CDCP2: variants seen among roughly 807,000 people sequenced by gnomAD.
CDCP2 encodes the protein CUB domain containing protein 2.
CDCP2 carries 31 observed loss-of-function variants against 31.0 expected under a neutral mutation model. The observed-to-expected ratio is 1.00, with a 90% CI of 0.75 to 1.35. The LOEUF is 1.35. Ranked by LOEUF, CDCP2 falls within the 40% of genes most tolerant of loss-of-function variation. The probability of loss-of-function intolerance (pLI) is 0.00; values close to 1 mark genes in which losing one functional copy is unlikely to be tolerated. For missense variants in CDCP2, 443 were observed against 482.6 expected (o/e 0.92, Z 0.77); for synonymous variants, 206 against 207.9 (o/e 0.99, Z 0.08).
At chr1:54,140,049 G>C in exon 4 of CDCP2, 1 of 1,613,744 alleles carries the variant, frequency 6.2e-7, no homozygotes, top group South Asian at 1.1e-5. Context: ...GTAGGAGCTG[G>C]GGTACTGTGG....
chr1:54,140,821 A>AC (rs1204704543), intron 3 of CDCP2: 3 of 330,514 alleles, frequency 9.1e-6, no homozygotes, highest in Non-Finnish European at 1.7e-5. Context: ...TGACATGCAA[A>AC]CCACACACAG....
At chr1:54,141,339 C>T in exon 3 of CDCP2, 2 of 1,614,128 alleles carry the variant, frequency 1.2e-6, no homozygotes, top group Non-Finnish European at 1.7e-6. Flanking sequence ...CGGCCCGGAT[C>T]ACCCAGTGGC....
At chr1:54,133,105 G>C (rs965727823) in exon 6 of CDCP2, 11 of 399,012 alleles carry the variant, frequency 2.8e-5, no homozygotes, top group African/African-American at 2.3e-4. Flanking sequence ...TCATCCATGG[G>C]TGGTGCTTCC....
upstream of CDCP2, chr1:54,152,937 C>T (rs747913879): frequency 4.3e-6 from 7 of 1,613,180 alleles, no homozygotes; most frequent in East Asian, 6.7e-5. Flanking sequence ...TCACCAGGGG[C>T]CCCCACAGGT....
chr1:54,144,783 G>A, exon 2 of CDCP2: 1 of 1,613,654 alleles, frequency 6.2e-7, no homozygotes, highest in Non-Finnish European at 8.5e-7. Flanking sequence ...GTTTCCAGAA[G>A]GTGCTGAGAG....
In CDCP2 at chr1:54,136,620, C is replaced by G. The variant is rs1659261730; in HGVS notation, c.1296+10G>C. The G allele has an allele frequency of 2.5e-6, 1 of 399,076 alleles. No homozygotes were observed. The highest frequency in any genetic ancestry group is 1.3e-4 in the South Asian group (1 of 7,856). 24.7% of individuals were successfully genotyped at this position (399,076 alleles called of 1,614,324 possible). A position where few individuals can be genotyped will look rare whatever the true frequency, so the allele number is the denominator to read the frequency against. ...CCTCCCTTGTGACTGCCCCTTCCCC[C>G]AGCCCCTACCTGAGACTCAGTGCCG... On this transcript the variant is annotated intron_variant, in intron 5 of 5. Coordinates refer to ENST00000530059, the Ensembl canonical transcript of CDCP2.
intron 3 of CDCP2, 93 bp from the exon 4 acceptor site, chr1:54,140,199 T>C (rs1436438403): frequency 8.2e-5 from 100 of 1,224,332 alleles, no homozygotes; most frequent in Non-Finnish European, 1.1e-4. Context: ...GGTGCCACAG[T>C]GGTCCAAAAA....
chr1:54,147,289 CTCATTTA>C (rs1659491558), intron 1 of CDCP2, among the ~76,000 whole-genome samples: 1 of 151,846 alleles, frequency 6.6e-6, no homozygotes. Flanking sequence ...TAGGCACTAA[CTCATTTA>C]TCAATTTTTT....
chr1:54,144,489 C>G lies in CDCP2; in HGVS notation c.404G>C (p.Gly135Ala). Reference sequence around the variant, plus strand: ...ACCTTTCTGGTAGCCCGCAGAAAAGCCATGGCTGGCCACATGCTTGTCCGA... The same window carrying G: ...ACCTTTCTGGTAGCCCGCAGAAAAGGCATGGCTGGCCACATGCTTGTCCGA... Residue 135 changes from glycine (G) to alanine (A), a missense_variant, in exon 2 of 6, where the codon GGC becomes GCC. Transcript: ENST00000530059. 1 of 1,585,194 alleles carries G rather than the reference C, an allele frequency of 6.3e-7. No individual in the cohort carries two copies. The highest frequency in any genetic ancestry group is 1.7e-5 in the Admixed American group (1 of 58,594).
chr1:54,149,802 A>T (rs1659545610), intron 1 of CDCP2, among the ~76,000 whole-genome samples: 1 of 152,218 alleles, frequency 6.6e-6, no homozygotes. Context: ...GCTGGTGCTT[A>T]GTGTATATTT....
chr1:54,152,404 C>T (rs947619576), intron 1 of CDCP2, among the ~76,000 whole-genome samples: 9 of 150,300 alleles, frequency 6.0e-5, no homozygotes, highest in Non-Finnish European at 1.2e-4. Context: ...GTGGAGGTTG[C>T]AGTGAGCTGA....
chr1:54,150,229 G>C (rs554260071), intron 1 of CDCP2, among the ~76,000 whole-genome samples: 1 of 152,328 alleles, frequency 6.6e-6, no homozygotes, highest in East Asian at 1.9e-4. Context: ...TGACTGGGAG[G>C]GGGAGCCCTG....
intron 3 of CDCP2, 109 bp downstream of exon 3, chr1:54,140,989 A>G: frequency 1.1e-6 from 1 of 908,166 alleles, no homozygotes; most frequent in Admixed American, 3.3e-5. Context: ...AGAGTGCAGA[A>G]AGCTCAAGGC....
chr1:54,140,203 C>T lies in CDCP2; in HGVS notation c.764-97G>A, dbSNP rs1016545382. On this transcript the variant is annotated intron_variant, in intron 3 of 5. Coordinates refer to ENST00000530059, the Ensembl canonical transcript of CDCP2. Reference sequence around the variant, plus strand: ...CTTAGGCAGCAGGTGCCACAGTGGTCCAAAAACCACCAGCAGGTTGTGGGC... The same window carrying T: ...CTTAGGCAGCAGGTGCCACAGTGGTTCAAAAACCACCAGCAGGTTGTGGGC... The T allele has an allele frequency of 1.1e-5, 12 of 1,061,244 alleles. No homozygotes were observed. In the African/African-American group the frequency reaches 1.4e-4, roughly 12 times the overall value. 65.7% of individuals were successfully genotyped at this position (1,061,244 alleles called of 1,614,324 possible). A position where few individuals can be genotyped will look rare whatever the true frequency, so the allele number is the denominator to read the frequency against.
intron 1 of CDCP2, among the ~76,000 whole-genome samples, chr1:54,150,485 C>T (rs968414467): frequency 6.6e-6 from 1 of 152,018 alleles, no homozygotes; most frequent in Non-Finnish European, 1.5e-5. Context: ...ATCCCAGCTA[C>T]TCAGGAGGCT....
exon 4 of CDCP2, chr1:54,139,881 G>T: frequency 6.2e-7 from 1 of 1,614,144 alleles, no homozygotes; most frequent in Non-Finnish European, 8.5e-7. Context: ...CCCCAGCAGG[G>T]GTGCCTCCTC....
At chr1:54,150,702 G>C (rs1219936725) in intron 1 of CDCP2, among the ~76,000 whole-genome samples, 2 of 152,206 alleles carry the variant, frequency 1.3e-5, no homozygotes, top group Non-Finnish European at 2.9e-5. Flanking sequence ...GAGCCCAGAG[G>C]CTCTGGCTGT....
intron 1 of CDCP2, among the ~76,000 whole-genome samples, chr1:54,146,984 G>A (rs1338830492): frequency 7.2e-6 from 1 of 139,522 alleles, no homozygotes; most frequent in East Asian, 2.3e-4. Context: ...GCTGAGACAT[G>A]AGAATCCCTT....
At chr1:54,139,645 T>TAG (rs76608277) in intron 4 of CDCP2, 108 bp downstream of exon 4, 9 of 1,533,738 alleles carry the variant, frequency 5.9e-6, no homozygotes, top group Admixed American at 3.8e-5. Context: ...AGACCATTCA[T>TAG]GGGGGGGGCA....
Sources: allele counts gnomAD v4.1 joint callset (sites outside exome capture counted in the v4.1 genomes callset), GRCh38; gene constraint gnomAD v4.1.1; transcripts MANE v1.5; gene names NCBI Gene and HGNC (gene_info 2026-07-23, HGNC 2026-07-21).